The following ANKFY1 variants were observed in gnomAD, a reference collection of about 807,000 sequenced individuals.
ANKFY1 encodes the protein ankyrin repeat and FYVE domain-containing protein 1.
Under a neutral mutation model 128.3 loss-of-function variants are expected in ANKFY1, and 47 were observed. The observed-to-expected ratio is 0.37, with a 90% CI of 0.29 to 0.47. The LOEUF (loss-of-function observed/expected upper bound fraction) is 0.47. ANKFY1 is among the 20% of genes least tolerant of loss of function. The probability of loss-of-function intolerance (pLI) is 1.00; values close to 1 mark genes in which losing one functional copy is unlikely to be tolerated. For missense variants in ANKFY1, 1,222 were observed against 1,510.6 expected, an observed-to-expected ratio of 0.81 and a Z score of 3.17; for synonymous variants, 553 against 601.6, an observed-to-expected ratio of 0.92 and a Z score of 1.18.
intron 4 of ANKFY1, among the ~76,000 whole-genome samples, chr17:4,212,990 T>C (rs967372966): frequency 6.6e-6 from 1 of 151,924 alleles, no homozygotes; most frequent in African/African-American, 2.4e-5. Flanking sequence ...TTAGCCAGGA[T>C]GGTCTCGATC....
At chr17:4,213,606 G>A (rs1310649178) in intron 4 of ANKFY1, among the ~76,000 whole-genome samples, 1 of 137,416 alleles carries the variant, frequency 7.3e-6, no homozygotes, top group Non-Finnish European at 1.5e-5. Flanking sequence ...TTACTTTGTC[G>A]CCCAGGCTGG....
intron 10 of ANKFY1, 75 bp from the exon 11 acceptor site, chr17:4,189,554 C>T: frequency 1.5e-6 from 2 of 1,295,380 alleles, no homozygotes; most frequent in Non-Finnish European, 2.1e-6. Flanking sequence ...CCCTGCTCTT[C>T]CCTGCCACCC....
At chr17:4,172,431 G>C in intron 22 of ANKFY1, 125 bp downstream of exon 22, 1 of 1,346,984 alleles carries the variant, frequency 7.4e-7, no homozygotes, top group Non-Finnish European at 1.0e-6. Context: ...CTCACACCCG[G>C]AGGGCCCAAC....
chr17:4,209,732 C>CA, intron 5 of ANKFY1, 92 bp downstream of exon 5: 1 of 1,425,100 alleles, frequency 7.0e-7, no homozygotes, highest in South Asian at 1.4e-5. Flanking sequence ...AACCAGGTGC[C>CA]AGAGAGGTCA....
rs1427879119 is a variant in ANKFY1, at chr17:4,169,915, T to TAA, written c.3287-628_3287-627insTT. Among the ~76,000 whole-genome samples, 1 of 152,206 alleles carries TAA rather than the reference T, an allele frequency of 6.6e-6. No individual in the cohort carries two copies. The highest frequency in any genetic ancestry group is 1.5e-5 in the Non-Finnish European group (1 of 68,022). ...CCAGGCACTGTCTGACTGCTCTACA[T>TAA]AGACAGGTCCACTGAGCTCATGGGG... is the stretch of plus-strand genomic sequence containing the variant. On this transcript the variant is annotated intron_variant, in intron 23 of 24. Transcript: ENST00000341657. The surrounding 1 kb of genome is among the most constrained non-coding windows in gnomAD (Gnocchi z 5.0).
At chr17:4,254,054 C>T (rs1474846763) in intron 1 of ANKFY1, among the ~76,000 whole-genome samples, 2 of 152,030 alleles carry the variant, frequency 1.3e-5, no homozygotes, top group Non-Finnish European at 2.9e-5. Flanking sequence ...GCCTGTAATC[C>T]CAGCACTTTG....
intron 1 of ANKFY1, among the ~76,000 whole-genome samples, chr17:4,262,354 C>T (rs568368037): frequency 1.3e-5 from 2 of 152,282 alleles, no homozygotes; most frequent in Non-Finnish European, 2.9e-5. Context: ...CTCCGTTTTC[C>T]GGGTTCAAGC....
intron 1 of ANKFY1, among the ~76,000 whole-genome samples, chr17:4,257,503 G>C (rs555195169): frequency 6.6e-6 from 1 of 152,092 alleles, no homozygotes; most frequent in South Asian, 2.1e-4. Context: ...CTAGAACAGT[G>C]ACCTCTCCTC....
intron 11 of ANKFY1, among the ~76,000 whole-genome samples, chr17:4,185,636 C>T (rs1389945771): frequency 6.6e-6 from 1 of 152,166 alleles, no homozygotes; most frequent in African/African-American, 2.4e-5. Context: ...CTGGTTCCAC[C>T]CTTAGTTTCT....
Position 4,178,732 on chromosome 17 carries a change from A to G in ANKFY1, c.2598+125T>C. The G allele has an allele frequency of 1.1e-6, 1 of 915,822 alleles. No homozygotes were observed. The highest frequency in any genetic ancestry group is 1.6e-5 in the South Asian group (1 of 64,126). The allele number at this position is 915,822 out of a possible 1,614,324, so 56.7% of individuals were successfully genotyped here. On this transcript the variant is annotated intron_variant, in intron 18 of 24. Transcript: ENST00000341657. This position sits in a 1 kb window ranked among gnomAD's most constrained non-coding sequence, Gnocchi z 4.1. ...CATCTCAACAGCCACATCTTAGGAC[A>G]GGAGTACAACTTCAAAACAAAGCTC...
At chr17:4,189,679 CA>C (rs969429281) in intron 10 of ANKFY1, among the ~76,000 whole-genome samples, 200 bp from the exon 11 acceptor site, 2 of 142,364 alleles carry the variant, frequency 1.4e-5, no homozygotes, top group African/African-American at 2.8e-5. Context: ...CCACACCAGA[CA>C]GTAGGCCCAC....
chr17:4,175,057 G>A lies in ANKFY1; in HGVS notation c.2776-1001C>T, dbSNP rs549360122. 9.3e-5 allele frequency among the ~76,000 whole-genome samples: 14 copies of A among 150,242 alleles called. 1 individual carries two copies. In the South Asian group the frequency reaches 2.9e-3, roughly 32 times the overall value. On this transcript the variant is annotated intron_variant, in intron 19 of 24. Transcript: ENST00000341657. ...TTTTAAAAGAAAGAACACAGGCCGG[G>A]TGCAGTGGCTCAGGCCTGTAGTCCC...
chr17:4,257,922 G>A (rs1181223342), intron 1 of ANKFY1, among the ~76,000 whole-genome samples: 1 of 152,228 alleles, frequency 6.6e-6, no homozygotes, highest in East Asian at 1.9e-4. Flanking sequence ...GTTCAGCAAG[G>A]CTGTAAATCA....
At position 4,179,036 on chromosome 17, in the gene ANKFY1, T is replaced by A. The variant is rs746820077; in HGVS notation, c.2419A>T (p.Ile807Phe). The change falls in exon 18 of 25, where the codon ATC (isoleucine) becomes TTC (phenylalanine). Residue 807 changes from isoleucine to phenylalanine, a missense_variant. Transcript: ENST00000341657. ...NAQDAEGRTP[I>F]HVAISSQHGV... is the part of the protein sequence containing the mutation. ...TGTTGGCTGCTGATGGCCACGTGGA[T>A]GGGGGTTCTTCCTTCTGCATCCTAT... The A allele has an allele frequency of 1.2e-6, 2 of 1,614,148 alleles. No homozygotes were observed. The highest frequency in any genetic ancestry group is 8.5e-7 in the Non-Finnish European group (1 of 1,180,024).
chr17:4,263,726 G>A, intron 1 of ANKFY1: 1 of 1,480,106 alleles, frequency 6.8e-7, no homozygotes, highest in Non-Finnish European at 8.9e-7. Context: ...CCGCGGGGTC[G>A]GCATCGCGGG....
chr17:4,172,625 T>C lies in ANKFY1; in HGVS notation c.3070A>G (p.Ile1024Val), dbSNP rs778237541. The C allele has an allele frequency of 3.1e-6, 5 of 1,614,148 alleles. No homozygotes were observed. The highest frequency in any genetic ancestry group is 4.2e-6 in the Non-Finnish European group (5 of 1,180,000). The change falls in exon 22 of 25, where the codon ATC becomes GTC. Residue 1024 changes from isoleucine to valine, a missense_variant. Coordinates refer to ENST00000341657, the MANE Select transcript of ANKFY1 (RefSeq NM_001330063.2). The part of the protein sequence containing the change: ...GQYGKENAAA[I>V]FDLFLECMPG... ...ATGCATTCTAGGAAGAGATCAAAGA[T>C]GGCCGCTGCATTCTCCTTGCCATAT... is the stretch of plus-strand genomic sequence containing the variant.
intron 1 of ANKFY1, among the ~76,000 whole-genome samples, chr17:4,251,217 C>T (rs1052092526): frequency 2.0e-5 from 3 of 152,116 alleles, no homozygotes; most frequent in African/African-American, 2.4e-5. Flanking sequence ...CATATGAAAA[C>T]GCAAATCCCT....
At chr17:4,237,764 G>C (rs796349369) in intron 2 of ANKFY1, among the ~76,000 whole-genome samples, 1 of 152,032 alleles carries the variant, frequency 6.6e-6, no homozygotes, top group Non-Finnish European at 1.5e-5. Context: ...AATCAAACAA[G>C]TCCAGTCCAT....
intron 7 of ANKFY1, among the ~76,000 whole-genome samples, chr17:4,199,936 A>C (rs909564813): frequency 2.6e-5 from 4 of 152,260 alleles, no homozygotes; most frequent in African/African-American, 9.6e-5. Context: ...GCAAAGCATC[A>C]TAACACACAG....
Sources: gnomAD v4.1 joint callset for allele counts (sites outside exome capture counted in the v4.1 genomes callset) on GRCh38, gnomAD v4.1.1 for gene constraint, Gnocchi (gnomAD v3.1) non-coding constraint, MANE v1.5 for transcripts, NCBI Gene and HGNC (gene_info 2026-07-23, HGNC 2026-07-21) for gene names.